The following SLC24A2 variants were observed in gnomAD, a reference collection of about 807,000 sequenced individuals.
SLC24A2 encodes the protein sodium/potassium/calcium exchanger 2.
Under a neutral mutation model 62.0 loss-of-function variants are expected in SLC24A2, and 36 were observed. The observed-to-expected ratio is 0.58, with a 90% confidence interval of 0.44 to 0.77. SLC24A2 has a LOEUF of 0.77. SLC24A2 is among the 30% of genes least tolerant of loss of function. The pLI, the probability that SLC24A2 is intolerant of heterozygous loss-of-function variation, is 0.00. For synonymous variants in SLC24A2, 358 were observed against 294.0 expected (o/e 1.22, Z -2.23); for missense variants, 846 against 817.9 (o/e 1.03, Z -0.42).
the SLC24A2 span, among the ~76,000 whole-genome samples, chr9:20,211,505 T>A: frequency 3.3e-5 from 5 of 152,072 alleles, no homozygotes; most frequent in Non-Finnish European, 5.9e-5. Context: ...AGAGCGAGAC[T>A]CCATCTCAAA....
the SLC24A2 span, among the ~76,000 whole-genome samples, chr9:20,211,652 T>C: frequency 6.6e-6 from 1 of 152,232 alleles, no homozygotes; most frequent in Non-Finnish European, 1.5e-5. Flanking sequence ...TCAAACATTA[T>C]TCTTAAAAGA....
the SLC24A2 span, among the ~76,000 whole-genome samples, chr9:20,151,656 G>A: frequency 1.3e-5 from 2 of 151,960 alleles, no homozygotes; most frequent in Non-Finnish European, 2.9e-5. Flanking sequence ...ACTGAGGAAC[G>A]TGGTCTTTCT....
the SLC24A2 span, among the ~76,000 whole-genome samples, chr9:20,075,480 G>A: frequency 6.6e-6 from 1 of 152,146 alleles, no homozygotes; most frequent in Non-Finnish European, 1.5e-5. Context: ...ACTTGTGGAT[G>A]GCCAATCAAG....
At chr9:20,019,147 A>C in the SLC24A2 span, among the ~76,000 whole-genome samples, 1 of 107,728 alleles carries the variant, frequency 9.3e-6, no homozygotes, top group Non-Finnish European at 2.0e-5. Context: ...GAAAGAAAGA[A>C]AGAAAGAAAG....
At chr9:19,734,880 A>C (rs1395946019) in intron 2 of SLC24A2, among the ~76,000 whole-genome samples, 1 of 152,146 alleles carries the variant, frequency 6.6e-6, no homozygotes, top group African/African-American at 2.4e-5. Flanking sequence ...TAAAGACTTA[A>C]ATGTTAGACC....
At chr9:20,017,316 C>T in the SLC24A2 span, among the ~76,000 whole-genome samples, 10 of 152,286 alleles carry the variant, frequency 6.6e-5, 1 homozygote, top group African/African-American at 7.2e-5. Context: ...AGCCACCACG[C>T]CTGGCCCCAA....
chr9:19,516,196 A>ACGCC lies in SLC24A2; in HGVS notation c.1942_1943insGGCG (p.Val648GlyfsTer42). Reference sequence around the variant, plus strand: ...TGTAAGAATTCTGTCTTCTAGGAGAACGCTCACCACCAGGAACACAAAGTA... The same window carrying ACGCC: ...TGTAAGAATTCTGTCTTCTAGGAGAACGCCCGCTCACCACCAGGAACACAAAGTA... On this transcript the variant is annotated frameshift_variant, in exon 11 of 11. Transcript: ENST00000341998. LOFTEE classifies it high-confidence loss of function. The ACGCC allele has an allele frequency of 6.2e-7, 1 of 1,614,202 alleles. No individual in the cohort carries two copies. Among genetic ancestry groups the ACGCC allele is most frequent in the Non-Finnish European group, 8.5e-7 (1 of 1,180,036 alleles).
the SLC24A2 span, among the ~76,000 whole-genome samples, chr9:19,844,565 T>C: frequency 6.6e-6 from 1 of 152,164 alleles, no homozygotes; most frequent in Admixed American, 6.5e-5. Flanking sequence ...CAATTGCTTT[T>C]GGGGATTTAG....
chr9:20,230,693 C>T, the SLC24A2 span, among the ~76,000 whole-genome samples: 1 of 152,182 alleles, frequency 6.6e-6, no homozygotes, highest in Admixed American at 6.5e-5. Flanking sequence ...TGCCTGTTCA[C>T]TCTGATAGTA....
At chr9:19,986,345 A>G in the SLC24A2 span, among the ~76,000 whole-genome samples, 1 of 152,122 alleles carries the variant, frequency 6.6e-6, no homozygotes, top group African/African-American at 2.4e-5. Context: ...AACCAATAAT[A>G]TATTGTTTGG....
At chr9:19,622,540 G>A (rs1485786346) in intron 2 of SLC24A2, among the ~76,000 whole-genome samples, 1 of 152,122 alleles carries the variant, frequency 6.6e-6, no homozygotes, top group Non-Finnish European at 1.5e-5. Flanking sequence ...CAACCCGAAT[G>A]TCCAGCAATA....
At chr9:19,735,174 A>G (rs1262175947) in intron 2 of SLC24A2, among the ~76,000 whole-genome samples, 1 of 152,200 alleles carries the variant, frequency 6.6e-6, no homozygotes, top group Non-Finnish European at 1.5e-5. Context: ...GAAAAAAAAA[A>G]CCCCATCAAC....
At chr9:20,000,359 T>C in the SLC24A2 span, among the ~76,000 whole-genome samples, 1 of 152,130 alleles carries the variant, frequency 6.6e-6, no homozygotes, top group Non-Finnish European at 1.5e-5. Flanking sequence ...GAGACAGAAT[T>C]TGACCTAGGC....
chr9:19,787,627 G>A (rs1318609342), intron 1 of SLC24A2, among the ~76,000 whole-genome samples: 1 of 151,962 alleles, frequency 6.6e-6, no homozygotes, highest in Non-Finnish European at 1.5e-5. Flanking sequence ...TATCAGATGC[G>A]GGAAAGTAGT....
the SLC24A2 span, among the ~76,000 whole-genome samples, chr9:20,166,353 T>C: frequency 6.6e-6 from 1 of 152,004 alleles, no homozygotes; most frequent in African/African-American, 2.4e-5. Context: ...CATTGGAAAC[T>C]ATCTAAGTGT....
the SLC24A2 span, among the ~76,000 whole-genome samples, chr9:19,918,744 A>C: frequency 6.6e-6 from 1 of 152,318 alleles, no homozygotes; most frequent in East Asian, 1.9e-4. Flanking sequence ...CATGTGGTCC[A>C]AGAAAAGCCC....
chr9:19,902,752 G>T, the SLC24A2 span, among the ~76,000 whole-genome samples: 1 of 152,128 alleles, frequency 6.6e-6, no homozygotes, highest in Non-Finnish European at 1.5e-5. Context: ...AGAGTGAGAA[G>T]GCAGGAATAA....
the SLC24A2 span, among the ~76,000 whole-genome samples, chr9:19,997,828 C>T: frequency 2.0e-5 from 3 of 152,128 alleles, no homozygotes; most frequent in East Asian, 3.9e-4. Context: ...GTTAATTTGC[C>T]TGTGTCCCTC....
At chr9:20,283,888 C>T in the SLC24A2 span, among the ~76,000 whole-genome samples, 1 of 152,070 alleles carries the variant, frequency 6.6e-6, no homozygotes, top group South Asian at 2.1e-4. Flanking sequence ...GGGAGTTATA[C>T]GCATGCCCAT....
Sources: gnomAD v4.1 joint callset for allele counts (sites outside exome capture counted in the v4.1 genomes callset) on GRCh38, gnomAD v4.1.1 for gene constraint, MANE v1.5 for transcripts, NCBI Gene and HGNC (gene_info 2026-07-23, HGNC 2026-07-21) for gene names.